Variants in PPTC7 observed in about 807,000 individuals in gnomAD.
The protein encoded by PPTC7 is protein phosphatase targeting COQ7.
Under a neutral mutation model 30.8 loss-of-function variants are expected in PPTC7, and 6 were observed. That is an observed-to-expected ratio of 0.19 (90% CI 0.11 to 0.38). The LOEUF is 0.38. Among genes scored for constraint, PPTC7 ranks in the 10% least tolerant of loss-of-function variants. The probability of loss-of-function intolerance (pLI) is 1.00; values close to 1 mark genes in which losing one functional copy is unlikely to be tolerated. For synonymous variants in PPTC7, 163 were observed against 168.1 expected (o/e 0.97, Z 0.23); for missense variants, 218 against 404.8 (o/e 0.54, Z 3.96).
intron 1 of PPTC7, among the ~76,000 whole-genome samples, chr12:110,566,259 C>T (rs2064482346): frequency 6.6e-6 from 1 of 152,156 alleles, no homozygotes; most frequent in Non-Finnish European, 1.5e-5. Flanking sequence ...AGCAAAACCC[C>T]TTAATTAAAA....
Position 110,540,321 on chromosome 12 carries a change from CT to C in PPTC7, c.603-377del, listed in dbSNP as rs11369595. 6.5e-3 allele frequency among the ~76,000 whole-genome samples: 686 copies of C among 105,040 alleles called. 14 individuals are homozygous for C. The highest frequency in any genetic ancestry group is 0.022 in the African/African-American group (624 of 27,906). The allele number at this position is 105,040 out of a possible 152,430, so 68.9% of individuals were successfully genotyped here. A position where few individuals can be genotyped will look rare whatever the true frequency, so the allele number is the denominator to read the frequency against. On this transcript the variant is annotated intron_variant, in intron 3 of 5. Transcript: ENST00000354300. ...ACAGCCGAATTCCATCCCCCCCCGC[CT>C]TTTTTTTTTTTTTTTTTGGAGACAA... is the stretch of plus-strand genomic sequence containing the variant.
At chr12:110,560,715 A>G (rs138436971) in intron 1 of PPTC7, among the ~76,000 whole-genome samples, 7 of 152,374 alleles carry the variant, frequency 4.6e-5, no homozygotes, top group African/African-American at 1.7e-4. Flanking sequence ...CAATTTTAAT[A>G]TAAGCATCAA....
intron 1 of PPTC7, among the ~76,000 whole-genome samples, chr12:110,570,819 C>T (rs1055847680): frequency 1.3e-4 from 20 of 151,284 alleles, no homozygotes; most frequent in Admixed American, 2.6e-4. Flanking sequence ...GAGAAACACC[C>T]ACAGATAATC....
chr12:110,550,804 CCG>C (rs1245886905), intron 2 of PPTC7, among the ~76,000 whole-genome samples: 1 of 152,168 alleles, frequency 6.6e-6, no homozygotes, highest in East Asian at 1.9e-4. Context: ...AGTTATTTCA[CCG>C]ACTAATCACC....
intron 2 of PPTC7, among the ~76,000 whole-genome samples, chr12:110,548,831 C>T (rs2064330651): frequency 6.6e-6 from 1 of 152,140 alleles, no homozygotes; most frequent in East Asian, 1.9e-4. Flanking sequence ...AGTATAAGCC[C>T]AGCCTTACAG....
chr12:110,572,869 TTTTATTTA>T (rs147429249), intron 1 of PPTC7, among the ~76,000 whole-genome samples: 12,058 of 151,836 alleles, frequency 0.079, 513 homozygotes, highest in Middle Eastern at 0.11. Flanking sequence ...TTTTTTAAGT[TTTTATTTA>T]TTTATTTATT....
chr12:110,550,572 G>C (rs1240324330), intron 2 of PPTC7, among the ~76,000 whole-genome samples: 1 of 152,114 alleles, frequency 6.6e-6, no homozygotes, highest in Non-Finnish European at 1.5e-5. Flanking sequence ...CTGGGAAGGA[G>C]GCCTTCTAGT....
chr12:110,564,057 A>C (rs556398753), intron 1 of PPTC7, among the ~76,000 whole-genome samples: 1 of 152,370 alleles, frequency 6.6e-6, no homozygotes, highest in African/African-American at 2.4e-5. Context: ...ACTTGTGCAA[A>C]TTACAAACTT....
chr12:110,583,189 C>T lies in PPTC7; in HGVS notation c.-158G>A. On this transcript the variant is annotated 5_prime_UTR_variant, in exon 1 of 6. Transcript: ENST00000354300. The stretch of plus-strand genomic sequence containing the variant: ...CGCCGCCCCTGCCCGACGCGCGGGG[C>T]CTCGCACGCGCTCAGCCGCGCGCAC... 3.4e-6 allele frequency: 1 copy of T among 294,572 alleles called. No individual in the cohort carries two copies. 18.2% of individuals were successfully genotyped at this position (294,572 alleles called of 1,614,324 possible).
intron 2 of PPTC7, chr12:110,546,621 TA>T (rs1200870346): frequency 6.3e-6 from 1 of 158,500 alleles, no homozygotes; most frequent in African/African-American, 2.4e-5. Flanking sequence ...CACTATGAGG[TA>T]ACAAGACCAA....
chr12:110,552,995 A>G (rs558283077), intron 1 of PPTC7, among the ~76,000 whole-genome samples: 21 of 152,150 alleles, frequency 1.4e-4, no homozygotes, highest in Admixed American at 1.3e-3. Context: ...CAGCCTGACC[A>G]ACATGGTGAA....
intron 1 of PPTC7, among the ~76,000 whole-genome samples, chr12:110,557,441 C>G (rs1374760744): frequency 6.7e-6 from 1 of 148,846 alleles, no homozygotes; most frequent in Non-Finnish European, 1.5e-5. Context: ...CACCCCGCTA[C>G]TTTTTTTTTT....
At chr12:110,575,002 C>T (rs1413351352) in intron 1 of PPTC7, among the ~76,000 whole-genome samples, 1 of 147,176 alleles carries the variant, frequency 6.8e-6, no homozygotes, top group East Asian at 2.0e-4. Context: ...ATTGGCCAGG[C>T]TGGTCTTGAA....
At chr12:110,574,092 A>C (rs899776187) in intron 1 of PPTC7, among the ~76,000 whole-genome samples, 1 of 145,026 alleles carries the variant, frequency 6.9e-6, no homozygotes, top group Non-Finnish European at 1.5e-5. Flanking sequence ...GAGCCCAGGA[A>C]TTTGAGACCA....
intron 1 of PPTC7, among the ~76,000 whole-genome samples, chr12:110,579,162 A>T (rs2135799280): frequency 6.6e-6 from 1 of 152,104 alleles, no homozygotes; most frequent in South Asian, 2.1e-4. Context: ...AAAAAAAAAA[A>T]GTCATCACCT....
chr12:110,570,083 G>A (rs1194702349), intron 1 of PPTC7, among the ~76,000 whole-genome samples: 4 of 152,104 alleles, frequency 2.6e-5, no homozygotes, highest in Non-Finnish European at 4.4e-5. Context: ...TGTCTGTGTA[G>A]AAAGAAGTAG....
chr12:110,553,660 TC>T (rs1472606522), intron 1 of PPTC7, among the ~76,000 whole-genome samples: 1 of 152,004 alleles, frequency 6.6e-6, no homozygotes, highest in Non-Finnish European at 1.5e-5. Flanking sequence ...GCACCTGTAG[TC>T]CCAGCTACTC....
chr12:110,536,976 C>T lies in PPTC7; in HGVS notation c.*61G>A, dbSNP rs931262536. ...AGAAATGTGGTCCTGCCAGCAGGAT[C>T]AGCACACATGGCAGGGGAAATTTGG... On this transcript the variant is annotated 3_prime_UTR_variant, in exon 6 of 6. Coordinates refer to ENST00000354300, the MANE Select transcript of PPTC7 (RefSeq NM_139283.2). The T allele has an allele frequency of 1.6e-6, 2 of 1,271,824 alleles. No homozygotes were observed. Among genetic ancestry groups the T allele is most frequent in the Admixed American group, 3.4e-5 (2 of 59,026 alleles). The allele number at this position is 1,271,824 out of a possible 1,614,324, so 78.8% of individuals were successfully genotyped here.
intron 5 of PPTC7, 25 bp downstream of exon 5, chr12:110,538,119 T>G: frequency 6.2e-7 from 1 of 1,612,300 alleles, no homozygotes; most frequent in Non-Finnish European, 8.5e-7. Context: ...AGTCAGTCCC[T>G]ATGACCTTCC....
Sources: allele counts gnomAD v4.1 joint callset (sites outside exome capture counted in the v4.1 genomes callset), GRCh38; gene constraint gnomAD v4.1.1; transcripts MANE v1.5; gene names NCBI Gene and HGNC (gene_info 2026-07-23, HGNC 2026-07-21).